GREM1: variants seen among roughly 807,000 people sequenced by gnomAD.
GREM1 encodes the protein gremlin-1.
A neutral mutation model predicts 13.1 loss-of-function variants in GREM1; 6 were observed. The ratio of observed to expected loss-of-function variants is 0.46; its 90% CI spans 0.25 to 0.91. GREM1 has a LOEUF of 0.91. Among genes scored for constraint, GREM1 ranks in the 40% least tolerant of loss-of-function variants. GREM1 has a pLI of 0.18. For missense variants in GREM1, 185 were observed against 233.9 expected (o/e 0.79, Z 1.36); for synonymous variants, 98 against 93.7 (o/e 1.05, Z -0.27).
intron 1 of GREM1, among the ~76,000 whole-genome samples, chr15:32,724,738 A>C (rs2055468927): frequency 6.6e-6 from 1 of 151,896 alleles, no homozygotes; most frequent in Admixed American, 6.6e-5. Flanking sequence ...TGCTGCACCC[A>C]TCAACCCATC....
rs2055698043 is a variant in GREM1 at position 32,736,408 on chromosome 15, T to C, written c.*5163T>C. The C allele has an allele frequency of 6.6e-6, 1 of 152,032 alleles. No homozygotes were observed. Among genetic ancestry groups the C allele is most frequent in the Admixed American group, 6.6e-5 (1 of 15,260 alleles). 9.4% of individuals were successfully genotyped at this position (152,032 alleles called of 1,614,324 possible). A position where few individuals can be genotyped will look rare whatever the true frequency, so the allele number is the denominator to read the frequency against. On this transcript the variant is annotated 3_prime_UTR_variant, in exon 2 of 2. Coordinates refer to ENST00000651154, the MANE Select transcript of GREM1 (RefSeq NM_013372.7). ...CAATCTAGACTGCCAAATGCATAAA[T>C]AGGACTCCATCCATGCCCAGGACTG... is the stretch of plus-strand genomic sequence containing the variant.
intron 1 of GREM1, among the ~76,000 whole-genome samples, chr15:32,727,401 T>TTATC (rs2055530481): frequency 6.6e-6 from 1 of 152,212 alleles, no homozygotes; most frequent in African/African-American, 2.4e-5. Context: ...AACCACATGA[T>TTATC]TATCTCAATA....
chr15:32,718,403 G>T lies in GREM1; in HGVS notation c.-2+242G>T, dbSNP rs1221327543. The T allele has an allele frequency of 6.2e-6, 3 of 484,748 alleles. No individual in the cohort carries two copies. The Admixed American group carries it at 6.9e-5, about 11-fold the overall frequency. The allele number at this position is 484,748 out of a possible 1,614,324, so 30.0% of individuals were successfully genotyped here. A position where few individuals can be genotyped will look rare whatever the true frequency, so the allele number is the denominator to read the frequency against. On this transcript the variant is annotated intron_variant, in intron 1 of 1. Transcript: ENST00000651154. Reference sequence around the variant, plus strand: ...TAGGAAAAAAAGTTGTCAGGAGCGGGCAGGATGACCCCCACATCCCGTTTC... The same window carrying T: ...TAGGAAAAAAAGTTGTCAGGAGCGGTCAGGATGACCCCCACATCCCGTTTC...
rs527518402 is a variant in GREM1 at position 32,734,096 on chromosome 15, C to T, written c.*2851C>T. On this transcript the variant is annotated 3_prime_UTR_variant, in exon 2 of 2. Transcript: ENST00000651154. ...GTTGGGCAAAGAAGAAGCTGACACA[C>T]CGTATGTTGTTAGAGTCTTTTATCT... 4.1e-6 allele frequency: 1 copy of T among 243,190 alleles called. No individual in the cohort carries two copies. The highest frequency in any genetic ancestry group is 2.2e-5 in the African/African-American group (1 of 45,208). The allele number at this position is 243,190 out of a possible 1,614,324, so 15.1% of individuals were successfully genotyped here.
chr15:32,727,647 C>G (rs1248096940), intron 1 of GREM1, among the ~76,000 whole-genome samples: 1 of 150,818 alleles, frequency 6.6e-6, no homozygotes, highest in African/African-American at 2.4e-5. Flanking sequence ...CCAGGGCAAG[C>G]AGGCAAGACA....
chr15:32,730,805 G>A lies in GREM1; in HGVS notation c.115G>A (p.Ala39Thr), dbSNP rs2055602701. ...SQGAIPPPDK[A>T]QHNDSEQTQS... ...AGGTGCCATCCCCCCGCCAGACAAG[G>A]CCCAGCACAATGACTCAGAGCAGAC... The change falls in exon 2 of 2, where the codon GCC (alanine) becomes ACC (threonine). Residue 39 changes from alanine (A) to threonine (T), a missense_variant. Physicochemically the swap from Ala to Thr is moderately conservative, Grantham distance 58. Transcript: ENST00000651154. 3 of 1,613,746 alleles carry A rather than the reference G, an allele frequency of 1.9e-6. No individual in the cohort carries two copies. Among genetic ancestry groups the A allele is most frequent in the Non-Finnish European group, 2.5e-6 (3 of 1,179,984 alleles).
At chr15:32,724,334 C>G (rs1032516944) in intron 1 of GREM1, among the ~76,000 whole-genome samples, 1 of 152,114 alleles carries the variant, frequency 6.6e-6, no homozygotes, top group African/African-American at 2.4e-5. Context: ...CTCAGAGGGT[C>G]CTGGTCTAGG....
chr15:32,722,078 T>G (rs1044603962), intron 1 of GREM1, among the ~76,000 whole-genome samples: 2 of 152,206 alleles, frequency 1.3e-5, no homozygotes, highest in Admixed American at 1.3e-4. Context: ...GGGATGAGAC[T>G]TTATCCTCTA....
At chr15:32,728,291 T>A in intron 1 of GREM1, among the ~76,000 whole-genome samples, 1 of 152,176 alleles carries the variant, frequency 6.6e-6, no homozygotes, top group Non-Finnish European at 1.5e-5. Context: ...GTGCTTTTTT[T>A]TAAAAGACAA....
intron 1 of GREM1, among the ~76,000 whole-genome samples, chr15:32,719,896 G>A (rs1410965074): frequency 6.6e-6 from 1 of 152,112 alleles, no homozygotes; most frequent in Non-Finnish European, 1.5e-5. Flanking sequence ...AGTCTTGAGG[G>A]GGGGATGTAC....
chr15:32,718,090 C>A lies in GREM1; in HGVS notation c.-73C>A, dbSNP rs1278619391. On this transcript the variant is annotated 5_prime_UTR_variant, in exon 1 of 2. Transcript: ENST00000651154. ...CCGCTGACCCCGCGCCGAGCCCCGG[C>A]GGCTCTGGCCGCGGCCGCACTCAGC... The A allele has an allele frequency of 8.2e-7, 1 of 1,222,980 alleles. No homozygotes were observed. 75.8% of individuals were successfully genotyped at this position (1,222,980 alleles called of 1,614,324 possible).
intron 1 of GREM1, among the ~76,000 whole-genome samples, chr15:32,730,440 G>A (rs2055595188): frequency 6.6e-6 from 1 of 152,218 alleles, no homozygotes; most frequent in Non-Finnish European, 1.5e-5. Flanking sequence ...GTGCAGAGAA[G>A]AGCTAGGCCC....
At position 32,730,786 on chromosome 15, in the gene GREM1, C is replaced by T. The variant is rs1394593163; in HGVS notation, c.96C>T (p.Ala32=). ...AEGKKKGSQG[A]IPPPDKAQHN... ...GGAAAAAGAAAGGGTCCCAAGGTGC[C>T]ATCCCCCCGCCAGACAAGGCCCAGC... The change falls in exon 2 of 2, where the codon GCC becomes GCT. Residue 32 remains alanine, a synonymous_variant. Coordinates refer to ENST00000651154, the MANE Select transcript of GREM1 (RefSeq NM_013372.7). The T allele has an allele frequency of 6.2e-7, 1 of 1,613,636 alleles. No individual in the cohort carries two copies. The highest frequency in any genetic ancestry group is 8.5e-7 in the Non-Finnish European group (1 of 1,179,942).
At chr15:32,729,487 CT>C (rs1342582482) in intron 1 of GREM1, among the ~76,000 whole-genome samples, 1 of 152,222 alleles carries the variant, frequency 6.6e-6, no homozygotes, top group African/African-American at 2.4e-5. Flanking sequence ...ACTACCTCCC[CT>C]GAACATTCAA....
intron 1 of GREM1, among the ~76,000 whole-genome samples, chr15:32,725,419 C>A (rs1170581071): frequency 6.6e-6 from 1 of 152,126 alleles, no homozygotes; most frequent in African/African-American, 2.4e-5. Context: ...TGTTTGCTGG[C>A]CCCATAAATG....
intron 1 of GREM1, among the ~76,000 whole-genome samples, chr15:32,721,088 G>A (rs879695871): frequency 3.3e-5 from 5 of 152,160 alleles, no homozygotes; most frequent in Admixed American, 6.5e-5. Context: ...ACCGGGAGGC[G>A]GAGGTTGTGG....
In GREM1 at chr15:32,739,061, A is replaced by G. The variant is rs961886797; in HGVS notation, c.*7816A>G. 6.6e-6 allele frequency: 1 copy of G among 152,224 alleles called. No homozygotes were observed. 9.4% of individuals were successfully genotyped at this position (152,224 alleles called of 1,614,324 possible). On this transcript the variant is annotated 3_prime_UTR_variant, in exon 2 of 2. Coordinates refer to ENST00000651154, the MANE Select transcript of GREM1 (RefSeq NM_013372.7). ...TGTTCTGGAGGTTCTAGCTAGGGCAATTAGGCAAAAAAAGGAAAAAGAAGT... is the reference window on the plus strand; with the variant it reads ...TGTTCTGGAGGTTCTAGCTAGGGCAGTTAGGCAAAAAAAGGAAAAAGAAGT...
chr15:32,718,283 G>T lies in GREM1; in HGVS notation c.-2+122G>T, dbSNP rs1567105922. 7.0e-6 allele frequency: 5 copies of T among 709,932 alleles called. No homozygotes were observed. In the Admixed American group the frequency reaches 1.1e-4, roughly 16 times the overall value. 44.0% of individuals were successfully genotyped at this position (709,932 alleles called of 1,614,324 possible). A position where few individuals can be genotyped will look rare whatever the true frequency, so the allele number is the denominator to read the frequency against. On this transcript the variant is annotated intron_variant, in intron 1 of 1. Transcript: ENST00000651154. ...CCGTGCGCGCAGGCTCGGGTGCGTT[G>T]TTCGCGGGGGTGAATTGTGAAGAAC...
At chr15:32,721,717 G>A (rs1185224258) in intron 1 of GREM1, among the ~76,000 whole-genome samples, 3 of 152,044 alleles carry the variant, frequency 2.0e-5, no homozygotes, top group Non-Finnish European at 4.4e-5. Context: ...TCGTGCCAGT[G>A]CACTCCAGCC....
Sources: gnomAD v4.1 joint callset for allele counts (sites outside exome capture counted in the v4.1 genomes callset) on GRCh38, gnomAD v4.1.1 for gene constraint, MANE v1.5 for transcripts, NCBI Gene and HGNC (gene_info 2026-07-23, HGNC 2026-07-21) for gene names.